Variants in CNTN5 observed in about 807,000 individuals in gnomAD.
CNTN5 encodes contactin 5, also known as contactin-5.
A neutral mutation model predicts 129.1 loss-of-function variants in CNTN5; 77 were observed. The observed-to-expected ratio is 0.60, with a 90% CI of 0.50 to 0.72. The LOEUF (loss-of-function observed/expected upper bound fraction) is 0.72. Among genes scored for constraint, CNTN5 ranks in the 30% least tolerant of loss-of-function variants. The pLI is 0.00. For synonymous variants in CNTN5, 509 were observed against 465.6 expected, an observed-to-expected ratio of 1.09 and a Z score of -1.20; for missense variants, 1,478 against 1,328.8, an observed-to-expected ratio of 1.11 and a Z score of -1.75.
intron 1 of CNTN5, among the ~76,000 whole-genome samples, chr11:99,063,004 C>G (rs1864950156): frequency 6.6e-6 from 1 of 152,062 alleles, no homozygotes; most frequent in Admixed American, 6.6e-5. Flanking sequence ...AAAAGAATTA[C>G]ACGTCAACAT....
chr11:99,208,310 C>T (rs537585773), intron 1 of CNTN5, among the ~76,000 whole-genome samples: 5 of 152,020 alleles, frequency 3.3e-5, no homozygotes, highest in Admixed American at 6.6e-5. Flanking sequence ...TTTACAGTGC[C>T]TTTTCTGTGG....
chr11:100,110,248 C>T (rs976128639), intron 13 of CNTN5, among the ~76,000 whole-genome samples: 1 of 98,822 alleles, frequency 1.0e-5, no homozygotes, highest in African/African-American at 4.9e-5. Flanking sequence ...ATAGAATTTT[C>T]TCTATAAGTT....
At chr11:100,307,431 A>C (rs1001477423) in intron 20 of CNTN5, among the ~76,000 whole-genome samples, 3 of 151,650 alleles carry the variant, frequency 2.0e-5, no homozygotes, top group Non-Finnish European at 4.4e-5. Context: ...CCATGTCAAC[A>C]CTAGAAATAT....
chr11:99,249,872 A>G (rs1862012350), intron 1 of CNTN5, among the ~76,000 whole-genome samples: 1 of 151,994 alleles, frequency 6.6e-6, no homozygotes, highest in East Asian at 1.9e-4. Context: ...CTCCATAAAT[A>G]ATAATCCACA....
chr11:99,236,849 T>C (rs1196626282), intron 1 of CNTN5, among the ~76,000 whole-genome samples: 1 of 152,186 alleles, frequency 6.6e-6, no homozygotes, highest in Non-Finnish European at 1.5e-5. Context: ...TCCTTGGTCT[T>C]CATTCAGTTT....
At chr11:99,533,635 A>T (rs1947795306) in intron 2 of CNTN5, among the ~76,000 whole-genome samples, 1 of 152,198 alleles carries the variant, frequency 6.6e-6, no homozygotes, top group Admixed American at 6.5e-5. Flanking sequence ...CTCAGGGCAG[A>T]GCAGGAGGCA....
chr11:99,607,804 C>A (rs2135719560), intron 3 of CNTN5, among the ~76,000 whole-genome samples: 1 of 132,794 alleles, frequency 7.5e-6, no homozygotes, highest in East Asian at 2.1e-4. Flanking sequence ...TTTGTAGGGA[C>A]ATGGATGAAA....
chr11:99,913,664 T>C (rs1949718159), intron 6 of CNTN5, among the ~76,000 whole-genome samples: 1 of 152,068 alleles, frequency 6.6e-6, no homozygotes, highest in East Asian at 1.9e-4. Flanking sequence ...AGTTATTCTA[T>C]AATTTTCTTT....
chr11:99,406,043 G>C (rs951581897), intron 2 of CNTN5, among the ~76,000 whole-genome samples: 10 of 151,346 alleles, frequency 6.6e-5, no homozygotes, highest in Admixed American at 1.3e-4. Flanking sequence ...TCTAGGATTG[G>C]TCCCTAGTCC....
intron 2 of CNTN5, among the ~76,000 whole-genome samples, chr11:99,396,087 G>T (rs112046732): frequency 0.14 from 20,481 of 151,554 alleles, 1,548 homozygotes; most frequent in East Asian, 0.23. Context: ...AAATATCAAT[G>T]GTAGTTTAAT....
intron 13 of CNTN5, among the ~76,000 whole-genome samples, chr11:100,140,583 G>T (rs1186507752): frequency 6.6e-6 from 1 of 152,048 alleles, no homozygotes; most frequent in Non-Finnish European, 1.5e-5. Flanking sequence ...ATTATCAGGG[G>T]GTTTTAATTA....
intron 13 of CNTN5, among the ~76,000 whole-genome samples, chr11:100,106,907 G>C (rs550192148): frequency 3.3e-5 from 5 of 152,244 alleles, no homozygotes; most frequent in African/African-American, 1.2e-4. Flanking sequence ...GGTATTCACT[G>C]TATGACATCT....
intron 6 of CNTN5, among the ~76,000 whole-genome samples, chr11:99,866,221 C>A (rs980193905): frequency 4.6e-5 from 7 of 152,084 alleles, no homozygotes; most frequent in Non-Finnish European, 1.0e-4. Flanking sequence ...AACCAATAAC[C>A]CAAACTTTTT....
intron 1 of CNTN5, among the ~76,000 whole-genome samples, chr11:99,156,138 A>G (rs1002837890): frequency 2.2e-4 from 33 of 152,106 alleles, no homozygotes; most frequent in Non-Finnish European, 4.1e-4. Flanking sequence ...ATTATATCAG[A>G]TAAGTGACAG....
intron 2 of CNTN5, among the ~76,000 whole-genome samples, chr11:99,384,999 C>A (rs1940836015): frequency 6.6e-6 from 1 of 152,170 alleles, no homozygotes; most frequent in Non-Finnish European, 1.5e-5. Flanking sequence ...AAAAATCATT[C>A]AATTCTCAAA....
chr11:99,646,780 A>G (rs2135864193), intron 3 of CNTN5, among the ~76,000 whole-genome samples: 1 of 151,342 alleles, frequency 6.6e-6, no homozygotes, highest in East Asian at 1.9e-4. Flanking sequence ...TTTAAAAAGA[A>G]CTTGAAGCAC....
In CNTN5 at chr11:99,688,460, T is replaced by C. The variant is rs144687210; in HGVS notation, c.56-131084T>C. ...ATTATTTACAAAGTCTTACAACAGGTGAGGTTGGGATAAGTAAATTGGTGT... is the reference window on the plus strand; with the variant it reads ...ATTATTTACAAAGTCTTACAACAGGCGAGGTTGGGATAAGTAAATTGGTGT... On this transcript the variant is annotated intron_variant, in intron 3 of 24. Coordinates refer to ENST00000524871, the MANE Select transcript of CNTN5 (RefSeq NM_014361.4). Among the ~76,000 whole-genome samples the C allele has an allele frequency of 2.5e-3, 384 of 152,222 alleles. 2 individuals carry two copies. Among genetic ancestry groups the C allele is most frequent in the African/African-American group, 8.8e-3 (365 of 41,536 alleles).
intron 9 of CNTN5, among the ~76,000 whole-genome samples, chr11:100,045,041 G>C (rs1184570994): frequency 6.6e-6 from 1 of 151,938 alleles, no homozygotes; most frequent in African/African-American, 2.4e-5. Flanking sequence ...ACTGCAAGAA[G>C]TCTTTTAACA....
intron 3 of CNTN5, among the ~76,000 whole-genome samples, chr11:99,622,897 A>C (rs1951000218): frequency 6.6e-6 from 1 of 151,728 alleles, no homozygotes. Context: ...ATGGCTCTCC[A>C]AACATAACCC....
Sources: gnomAD v4.1 joint callset for allele counts (sites outside exome capture counted in the v4.1 genomes callset) on GRCh38, gnomAD v4.1.1 for gene constraint, MANE v1.5 for transcripts, NCBI Gene and HGNC (gene_info 2026-07-23, HGNC 2026-07-21) for gene names.